Variants in SLAIN2 observed in about 807,000 individuals in gnomAD.
SLAIN2 encodes SLAIN family member 2.
SLAIN2 carries 31 observed loss-of-function variants against 56.6 expected under a neutral mutation model. That is an observed-to-expected ratio of 0.55 (90% CI 0.41 to 0.74). The LOEUF (loss-of-function observed/expected upper bound fraction) is 0.74. Ranked by LOEUF, SLAIN2 falls within the 30% of genes least tolerant of loss-of-function variation. The pLI is 0.00. For missense variants in SLAIN2, 777 were observed against 754.2 expected, an observed-to-expected ratio of 1.03 and a Z score of -0.35; for synonymous variants, 317 against 284.9, an observed-to-expected ratio of 1.11 and a Z score of -1.13.
intron 6 of SLAIN2, among the ~76,000 whole-genome samples, chr4:48,388,591 A>G (rs556207375): frequency 5.9e-5 from 9 of 152,324 alleles, no homozygotes; most frequent in African/African-American, 1.4e-4. Flanking sequence ...TATAAATTAA[A>G]TGAATTGTAC....
At chr4:48,353,523 A>G (rs1715075022) in intron 1 of SLAIN2, among the ~76,000 whole-genome samples, 1 of 152,158 alleles carries the variant, frequency 6.6e-6, no homozygotes, top group South Asian at 2.1e-4. Context: ...TGAACAAAGA[A>G]TCCGTGGGTT....
chr4:48,390,782 C>T (rs1168842871), intron 6 of SLAIN2, among the ~76,000 whole-genome samples: 8 of 152,296 alleles, frequency 5.3e-5, no homozygotes, highest in African/African-American at 1.9e-4. Context: ...TCAATAGCTT[C>T]TTCAGAATTG....
At chr4:48,354,477 T>TC (rs1202175241) in intron 1 of SLAIN2, among the ~76,000 whole-genome samples, 1 of 133,084 alleles carries the variant, frequency 7.5e-6, no homozygotes, top group African/African-American at 2.7e-5. Context: ...TTTTTTTTTT[T>TC]CCCCCCTCAG....
intron 1 of SLAIN2, among the ~76,000 whole-genome samples, chr4:48,344,504 A>T (rs936315044): frequency 6.6e-6 from 1 of 152,180 alleles, no homozygotes; most frequent in Non-Finnish European, 1.5e-5. Context: ...GATGGAATAA[A>T]TGTGGGAAAA....
In SLAIN2 at chr4:48,379,671, TTC is replaced by T. The variant is rs763352087; in HGVS notation, c.704-17_704-16del. 8.7e-5 allele frequency: 122 copies of T among 1,405,184 alleles called. No individual in the cohort carries two copies. Among genetic ancestry groups the T allele is most frequent in the African/African-American group, 2.4e-4 (16 of 67,526 alleles). The allele number at this position is 1,405,184 out of a possible 1,614,324, so 87.0% of individuals were successfully genotyped here. The stretch of plus-strand genomic sequence containing the variant: ...TTGCTTTACCAGAGTTTGAATTTTT[TTC>T]TTTTTTTTTTTTTAAGGTAACTTGA... On this transcript the variant is annotated splice_polypyrimidine_tract_variant and intron_variant, in intron 3 of 7. Coordinates refer to ENST00000264313, the MANE Select transcript of SLAIN2 (RefSeq NM_020846.2).
chr4:48,420,591 A>G, intron 7 of SLAIN2, 148 bp downstream of exon 7: 1 of 907,956 alleles, frequency 1.1e-6, no homozygotes, highest in Non-Finnish European at 1.6e-6. Flanking sequence ...ATAAAACTTT[A>G]CTACATTGTT....
At position 48,341,732 on chromosome 4, in the gene SLAIN2, G is replaced by T; in HGVS notation, c.-8G>T. 1 of 1,527,982 alleles carries T rather than the reference G, an allele frequency of 6.5e-7. No individual in the cohort carries two copies. The highest frequency in any genetic ancestry group is 8.8e-7 in the Non-Finnish European group (1 of 1,137,722). The allele number at this position is 1,527,982 out of a possible 1,614,324, so 94.7% of individuals were successfully genotyped here. On this transcript the variant is annotated 5_prime_UTR_variant, in exon 1 of 8. Transcript: ENST00000264313. Reference sequence around the variant, plus strand: ...GGCGGCGGAGGCGGCGGCGGCGGCGGGGCCGGGATGGAGGACGTTAACTCC... The same window carrying T: ...GGCGGCGGAGGCGGCGGCGGCGGCGTGGCCGGGATGGAGGACGTTAACTCC...
At chr4:48,420,740 C>CA (rs1717124631) in intron 7 of SLAIN2, among the ~76,000 whole-genome samples, 1 of 152,052 alleles carries the variant, frequency 6.6e-6, no homozygotes, top group Admixed American at 6.5e-5. Flanking sequence ...GATATTCATT[C>CA]ATTTCGAATA....
chr4:48,391,611 A>G (rs1412079173), intron 6 of SLAIN2, among the ~76,000 whole-genome samples: 1 of 152,172 alleles, frequency 6.6e-6, no homozygotes, highest in Admixed American at 6.6e-5. Context: ...GGTGAGCAGC[A>G]CTTTCACCAC....
rs138207567 is a variant in SLAIN2 at position 48,406,064 on chromosome 4, A to G, written c.1361-14061A>G. On this transcript the variant is annotated intron_variant, in intron 6 of 7. Transcript: ENST00000264313. Reference sequence around the variant, plus strand: ...TTCCAAGTCTTTTTGACACAACTCTAGTAGTCTTTGATACCGTCTTGCTAA... The same window carrying G: ...TTCCAAGTCTTTTTGACACAACTCTGGTAGTCTTTGATACCGTCTTGCTAA... 2.3e-3 allele frequency among the ~76,000 whole-genome samples: 349 copies of G among 152,286 alleles called. 1 individual carries two copies. Among genetic ancestry groups the G allele is most frequent in the African/African-American group, 8.2e-3 (342 of 41,576 alleles).
intron 3 of SLAIN2, among the ~76,000 whole-genome samples, chr4:48,379,375 T>C (rs1179543295): frequency 6.6e-6 from 1 of 152,170 alleles, no homozygotes; most frequent in Non-Finnish European, 1.5e-5. Context: ...CTTGTGCAAG[T>C]TGAAATCCTT....
Position 48,382,640 on chromosome 4 carries a change from G to A in SLAIN2, c.935G>A (p.Gly312Asp), listed in dbSNP as rs755523040. ...SGSSCNSTRRGTFSDQELDAQ... is the reference protein window; with the variant it reads ...SGSSCNSTRRDTFSDQELDAQ... ...TCATCTTGCAATTCTACAAGACGGG[G>A]TACTTTTAGTGATCAGGAACTTGAT... The change falls in exon 5 of 8, where the codon GGT (glycine) becomes GAT (aspartate). Residue 312 changes from glycine (G) to aspartate (D), a missense_variant. Coordinates refer to ENST00000264313, the MANE Select transcript of SLAIN2 (RefSeq NM_020846.2). The A allele has an allele frequency of 1.9e-6, 3 of 1,613,654 alleles. No individual in the cohort carries two copies. Among genetic ancestry groups the A allele is most frequent in the Non-Finnish European group, 8.5e-7 (1 of 1,179,708 alleles).
chr4:48,374,003 T>A (rs1363530779), intron 2 of SLAIN2, among the ~76,000 whole-genome samples: 1 of 151,864 alleles, frequency 6.6e-6, no homozygotes, highest in Admixed American at 6.6e-5. Flanking sequence ...GTGCCATTGC[T>A]CTCCAGCCTG....
intron 7 of SLAIN2, among the ~76,000 whole-genome samples, chr4:48,421,342 T>A (rs926361366): frequency 6.6e-6 from 1 of 152,132 alleles, no homozygotes; most frequent in Non-Finnish European, 1.5e-5. Context: ...TGATTCTGAA[T>A]CAGACAGGTT....
intron 2 of SLAIN2, among the ~76,000 whole-genome samples, chr4:48,377,433 C>T (rs1715850933): frequency 6.6e-6 from 1 of 151,448 alleles, no homozygotes; most frequent in Non-Finnish European, 1.5e-5. Context: ...CCCACCTCAG[C>T]CTCCCAAAGT....
At chr4:48,342,396 A>G (rs1236239185) in intron 1 of SLAIN2, among the ~76,000 whole-genome samples, 1 of 152,204 alleles carries the variant, frequency 6.6e-6, no homozygotes, top group African/African-American at 2.4e-5. Flanking sequence ...GGGTTGGGGC[A>G]GCTTGAGAAG....
At chr4:48,394,673 C>A in intron 6 of SLAIN2, 2 of 1,531,442 alleles carry the variant, frequency 1.3e-6, no homozygotes, top group South Asian at 2.4e-5. Context: ...GCCTCTTACT[C>A]AGTTTAAAAT....
intron 3 of SLAIN2, among the ~76,000 whole-genome samples, 161 bp downstream of exon 3, chr4:48,378,221 A>G (rs1156425071): frequency 2.6e-5 from 4 of 152,242 alleles, no homozygotes; most frequent in African/African-American, 7.2e-5. Flanking sequence ...CAGGTACTAT[A>G]TTAGGCACCA....
At chr4:48,363,432 C>G in intron 1 of SLAIN2, among the ~76,000 whole-genome samples, 1 of 62,674 alleles carries the variant, frequency 1.6e-5, no homozygotes, top group African/African-American at 5.1e-5. Context: ...GGCGGCTGGC[C>G]GGGCGGGGGG....
Sources: gnomAD v4.1 joint callset for allele counts (sites outside exome capture counted in the v4.1 genomes callset) on GRCh38, gnomAD v4.1.1 for gene constraint, MANE v1.5 for transcripts, NCBI Gene and HGNC (gene_info 2026-07-23, HGNC 2026-07-21) for gene names.